Variants in DLC1 observed in about 807,000 individuals in gnomAD.
DLC1 encodes the protein rho GTPase-activating protein 7.
DLC1 carries 54 observed loss-of-function variants against 140.3 expected under a neutral mutation model. That is an observed-to-expected ratio of 0.38 (90% CI 0.31 to 0.48). The LOEUF is 0.48. Among genes scored for constraint, DLC1 ranks in the 20% least tolerant of loss-of-function variants. DLC1 has a pLI of 0.96. For missense variants in DLC1, 2,536 were observed against 1,907.0 expected (o/e 1.33, Z -6.14); for synonymous variants, 986 against 728.1 (o/e 1.35, Z -5.70).
At chr8:13,172,626 G>A (rs1187110794) in intron 5 of DLC1, among the ~76,000 whole-genome samples, 1 of 152,210 alleles carries the variant, frequency 6.6e-6, no homozygotes, top group African/African-American at 2.4e-5. Flanking sequence ...GCAGGATGGG[G>A]ATTTGAACTT....
At chr8:13,295,938 CTTTGTTTT>C (rs1831927726) in intron 5 of DLC1, among the ~76,000 whole-genome samples, 1 of 53,344 alleles carries the variant, frequency 1.9e-5, no homozygotes, top group Non-Finnish European at 3.7e-5. Context: ...AGATAAGATT[CTTTGTTTT>C]TTTTTTTTTT....
At chr8:13,574,891 C>T (rs577490142) in intron 1 of DLC1, among the ~76,000 whole-genome samples, 40 of 152,174 alleles carry the variant, frequency 2.6e-4, no homozygotes, top group African/African-American at 9.2e-4. Flanking sequence ...CATGATGAAG[C>T]CTAGTATAAT....
intron 5 of DLC1, among the ~76,000 whole-genome samples, chr8:13,222,433 T>C (rs1489794954): frequency 6.6e-6 from 1 of 152,168 alleles, no homozygotes; most frequent in Non-Finnish European, 1.5e-5. Flanking sequence ...TTTATGTAGG[T>C]TAGACACATC....
intron 1 of DLC1, among the ~76,000 whole-genome samples, chr8:13,524,153 A>ATTC (rs1554537857): frequency 7.8e-6 from 1 of 127,872 alleles, no homozygotes; most frequent in Non-Finnish European, 1.7e-5. Context: ...TATTATTATT[A>ATTC]TTGAGTCAGA....
At chr8:13,442,700 A>T (rs1798577004) in intron 2 of DLC1, among the ~76,000 whole-genome samples, 1 of 152,198 alleles carries the variant, frequency 6.6e-6, no homozygotes, top group Admixed American at 6.5e-5. Flanking sequence ...AAAAGTCAGG[A>T]AACAACAGTG....
chr8:13,194,690 C>T (rs1486559938), intron 5 of DLC1, among the ~76,000 whole-genome samples: 1 of 152,138 alleles, frequency 6.6e-6, no homozygotes, highest in African/African-American at 2.4e-5. Flanking sequence ...ACATTGTAGG[C>T]CGCAAGCATT....
chr8:13,252,864 CAT>C lies in DLC1; in HGVS notation c.1348+52403_1348+52404del, dbSNP rs895711194. Reference sequence around the variant, plus strand: ...AGAAGAGTGTCTTGACCTATAGCCACATGTCTATTAAATTGGCTCAGAACTTA... The same window carrying C: ...AGAAGAGTGTCTTGACCTATAGCCACGTCTATTAAATTGGCTCAGAACTTA... On this transcript the variant is annotated intron_variant, in intron 5 of 17. Transcript: ENST00000276297. Among the ~76,000 whole-genome samples, 52 of 152,306 alleles carry C rather than the reference CAT, an allele frequency of 3.4e-4. 1 individual carries two copies. Among genetic ancestry groups the C allele is most frequent in the African/African-American group, 1.2e-3 (51 of 41,574 alleles).
intron 4 of DLC1, among the ~76,000 whole-genome samples, chr8:13,343,832 T>A (rs532200842): frequency 6.6e-6 from 1 of 152,216 alleles, no homozygotes; most frequent in African/African-American, 2.4e-5. Flanking sequence ...TGGCACCTTT[T>A]CTGGCCATTG....
At chr8:13,411,621 G>C (rs1178626898) in intron 2 of DLC1, among the ~76,000 whole-genome samples, 1 of 152,102 alleles carries the variant, frequency 6.6e-6, no homozygotes, top group Non-Finnish European at 1.5e-5. Flanking sequence ...GTTGATGGTG[G>C]CTATTGGCAG....
chr8:13,086,265 T>C (rs763716080), intron 17 of DLC1, 25 bp downstream of exon 17: 1 of 1,602,692 alleles, frequency 6.2e-7, no homozygotes, highest in African/African-American at 1.3e-5. Context: ...CCTCACCATA[T>C]AAAAAAATCA....
chr8:13,319,655 C>T (rs1383433394), intron 4 of DLC1, among the ~76,000 whole-genome samples: 3 of 152,056 alleles, frequency 2.0e-5, no homozygotes, highest in Admixed American at 6.6e-5. Context: ...CTTGAGACCT[C>T]GCCAGCCATG....
intron 1 of DLC1, among the ~76,000 whole-genome samples, chr8:13,576,776 G>T (rs972552620): frequency 1.3e-5 from 2 of 152,164 alleles, no homozygotes; most frequent in African/African-American, 4.8e-5. Context: ...GGAGAAAGTT[G>T]GACGTGGTTA....
chr8:13,514,431 C>T (rs1165309098), intron 1 of DLC1, among the ~76,000 whole-genome samples, 171 bp downstream of exon 1: 8 of 152,134 alleles, frequency 5.3e-5, no homozygotes, highest in Non-Finnish European at 1.5e-5. Context: ...TTTGCTAAAA[C>T]GAATTGACTC....
At chr8:13,309,805 A>G (rs1832597746) in intron 4 of DLC1, among the ~76,000 whole-genome samples, 1 of 152,188 alleles carries the variant, frequency 6.6e-6, no homozygotes, top group African/African-American at 2.4e-5. Flanking sequence ...AATAGACATC[A>G]TATCTGAATC....
At chr8:13,344,094 C>T (rs1032593887) in intron 4 of DLC1, among the ~76,000 whole-genome samples, 1 of 152,154 alleles carries the variant, frequency 6.6e-6, no homozygotes, top group Non-Finnish European at 1.5e-5. Context: ...CATTTATTTG[C>T]TCCTTTTTCT....
chr8:13,556,354 C>T (rs779454208), intron 1 of DLC1, among the ~76,000 whole-genome samples: 4 of 152,168 alleles, frequency 2.6e-5, no homozygotes, highest in African/African-American at 9.7e-5. Context: ...AATCACCTGG[C>T]AATCCTAGAA....
At chr8:13,495,662 A>G (rs868196873) in intron 2 of DLC1, among the ~76,000 whole-genome samples, 1 of 152,172 alleles carries the variant, frequency 6.6e-6, no homozygotes, top group African/African-American at 2.4e-5. Context: ...ATCCCCTCCA[A>G]TTGAGACTCC....
intron 4 of DLC1, among the ~76,000 whole-genome samples, chr8:13,333,513 T>C (rs534754928): frequency 6.6e-6 from 1 of 152,290 alleles, no homozygotes; most frequent in East Asian, 1.9e-4. Context: ...ACTCCCAATA[T>C]GTGGGGATCA....
At chr8:13,103,697 G>C (rs1819298905) in intron 7 of DLC1, among the ~76,000 whole-genome samples, 1 of 151,912 alleles carries the variant, frequency 6.6e-6, no homozygotes, top group Non-Finnish European at 1.5e-5. Flanking sequence ...AAATTAGCTG[G>C]GCATGGTCGT....
Sources: gnomAD v4.1 joint callset for allele counts (sites outside exome capture counted in the v4.1 genomes callset) on GRCh38, gnomAD v4.1.1 for gene constraint, MANE v1.5 for transcripts, NCBI Gene and HGNC (gene_info 2026-07-23, HGNC 2026-07-21) for gene names.